TSPEAR: variants seen among roughly 807,000 people sequenced by gnomAD.
TSPEAR encodes thrombospondin-type laminin G domain and EAR repeat-containing protein.
In TSPEAR, 69 loss-of-function variants were observed where a neutral mutation model predicts 71.6. The observed-to-expected ratio is 0.96, with a 90% CI of 0.79 to 1.18. The LOEUF is 1.18. Ranked by LOEUF, TSPEAR falls within the 50% of genes most tolerant of loss-of-function variation. The pLI, the probability that TSPEAR is intolerant of heterozygous loss-of-function variation, is 0.00. For missense variants in TSPEAR, 971 were observed against 894.9 expected (o/e 1.09, Z -1.09); for synonymous variants, 402 against 387.2 (o/e 1.04, Z -0.45).
At chr21:44,658,145 G>T in intron 1 of TSPEAR, 1 of 1,613,758 alleles carries the variant, frequency 6.2e-7, no homozygotes, top group South Asian at 1.1e-5. Flanking sequence ...CTCCGTGTGC[G>T]TGCCCGTGAG....
Position 44,499,791 on chromosome 21 carries a change from T to C in TSPEAR, c.2002A>G (p.Thr668Ala). 6.4e-7 allele frequency: 1 copy of C among 1,567,952 alleles called. No individual in the cohort carries two copies. Among genetic ancestry groups the C allele is most frequent in the Non-Finnish European group, 8.6e-7 (1 of 1,157,910 alleles). Reference protein sequence around the residue: ...EPLSRVLRLRTR With the variant: ...EPLSRVLRLRAR ...GCCGGGCAGCCGCGGCCTCAGCGTG[T>C]CCTCAGCCGCAGGACCCTGGAGAGG... The change falls in exon 12 of 12, where the codon ACA (threonine) becomes GCA (alanine). Residue 668 changes from threonine (T) to alanine (A), a missense_variant. Thr to Ala is a moderately conservative substitution (Grantham distance 58, BLOSUM62 0). Coordinates refer to ENST00000323084, the MANE Select transcript of TSPEAR (RefSeq NM_144991.3).
chr21:44,509,021 A>G (rs1201519790), intron 10 of TSPEAR, 178 bp downstream of exon 10: 1 of 1,461,008 alleles, frequency 6.8e-7, no homozygotes, highest in South Asian at 1.2e-5. Context: ...TCCCCAGGCC[A>G]GGAAAGTCCC....
At chr21:44,702,385 C>CCAGCGCCTACCAATCAGGCTGCA (rs1555951671) in intron 1 of TSPEAR, 1 of 1,077,316 alleles carries the variant, frequency 9.3e-7, no homozygotes, top group Non-Finnish European at 1.3e-6. Context: ...AGCCTGTGAG[C>CCAGCGCCTACCAATCAGGCTGCA]CCAGCTCCTG....
chr21:44,678,076 G>A (rs587726539), intron 1 of TSPEAR: 39 of 680,362 alleles, frequency 5.7e-5, no homozygotes, highest in South Asian at 4.3e-4. Context: ...TAACTGACAG[G>A]CCCGCAGTAT....
At chr21:44,666,968 C>A in intron 1 of TSPEAR, 1 of 1,429,606 alleles carries the variant, frequency 7.0e-7, no homozygotes, top group Non-Finnish European at 9.5e-7. Context: ...TATACCTGGG[C>A]CCAGGCATCC....
chr21:44,521,445 C>A (rs920120080), intron 9 of TSPEAR, among the ~76,000 whole-genome samples: 2 of 152,204 alleles, frequency 1.3e-5, no homozygotes, highest in Non-Finnish European at 2.9e-5. Flanking sequence ...TGCCCCGACC[C>A]GGCCCCCACG....
At chr21:44,512,969 G>C (rs906256232) in intron 9 of TSPEAR, among the ~76,000 whole-genome samples, 2 of 152,170 alleles carry the variant, frequency 1.3e-5, no homozygotes, top group African/African-American at 4.8e-5. Flanking sequence ...ACCCAGCGAG[G>C]GTCTGTGCAC....
At chr21:44,582,911 C>T (rs1293166129) in intron 1 of TSPEAR, among the ~76,000 whole-genome samples, 4 of 152,160 alleles carry the variant, frequency 2.6e-5, no homozygotes, top group Admixed American at 6.5e-5. Flanking sequence ...CAGGCCCCAC[C>T]TCCCGGGTTC....
chr21:44,627,432 G>C (rs782247632), intron 1 of TSPEAR: 2 of 1,613,188 alleles, frequency 1.2e-6, no homozygotes, highest in Admixed American at 1.7e-5. Context: ...GCTGCCAGCC[G>C]GCTTACTGCA....
chr21:44,681,074 A>G (rs1320130554), intron 1 of TSPEAR, among the ~76,000 whole-genome samples: 1 of 152,258 alleles, frequency 6.6e-6, no homozygotes, highest in Non-Finnish European at 1.5e-5. Flanking sequence ...ATCATTACGT[A>G]TCCTCTGTGT....
At chr21:44,577,566 A>G (rs1427515709) in intron 1 of TSPEAR, among the ~76,000 whole-genome samples, 1 of 152,044 alleles carries the variant, frequency 6.6e-6, no homozygotes, top group African/African-American at 2.4e-5. Context: ...GCAAGACTTC[A>G]CTCATTATTG....
At chr21:44,526,974 G>A (rs2052868776) in intron 7 of TSPEAR, among the ~76,000 whole-genome samples, 2 of 152,230 alleles carry the variant, frequency 1.3e-5, no homozygotes, top group African/African-American at 4.8e-5. Context: ...GAAACGATTT[G>A]TGGGTTCTTG....
intron 1 of TSPEAR, among the ~76,000 whole-genome samples, chr21:44,595,128 G>A (rs1252406038): frequency 6.6e-6 from 1 of 152,124 alleles, no homozygotes; most frequent in African/African-American, 2.4e-5. Flanking sequence ...TGGCCAGATG[G>A]TGATTTTTTT....
At chr21:44,580,419 C>G (rs1276691016) in intron 1 of TSPEAR, 2 of 1,612,842 alleles carry the variant, frequency 1.2e-6, no homozygotes, top group Non-Finnish European at 1.7e-6. Flanking sequence ...TCACAGGCCG[C>G]CTGGCAGCAG....
intron 1 of TSPEAR, chr21:44,580,557 C>G (rs782093945): frequency 6.2e-7 from 1 of 1,612,838 alleles, no homozygotes; most frequent in East Asian, 2.2e-5. Context: ...CTGGAGCAGA[C>G]GGACATGGTG....
At position 44,687,721 on chromosome 21, in the gene TSPEAR, G is replaced by A. The variant is rs182535076; in HGVS notation, c.82+23712C>T. Among the ~76,000 whole-genome samples the A allele has an allele frequency of 1.2e-3, 178 of 152,340 alleles. 2 individuals are homozygous for A. The highest frequency in any genetic ancestry group is 3.9e-3 in the African/African-American group (163 of 41,576). ...GGGTCCTCTCCCAGCCAGGAGGGAAGCCAGGACCACCCTCTCCCCTGGGCC... is the reference window on the plus strand; with the variant it reads ...GGGTCCTCTCCCAGCCAGGAGGGAAACCAGGACCACCCTCTCCCCTGGGCC... On this transcript the variant is annotated intron_variant, in intron 1 of 11. Transcript: ENST00000323084. The surrounding 1 kb of genome is among the most constrained non-coding windows in gnomAD (Gnocchi z 4.4).
At chr21:44,557,520 A>C (rs2053551989) in intron 2 of TSPEAR, among the ~76,000 whole-genome samples, 1 of 151,890 alleles carries the variant, frequency 6.6e-6, no homozygotes, top group Admixed American at 6.5e-5. Flanking sequence ...CAGAGGAAGG[A>C]GAGAGGGGGA....
rs117561023 is a variant in TSPEAR, at chr21:44,612,494, G to T, written c.83-44489C>A. On this transcript the variant is annotated intron_variant, in intron 1 of 11. Transcript: ENST00000323084. This position sits in a 1 kb window ranked among gnomAD's most constrained non-coding sequence, Gnocchi z 4.1. Reference sequence around the variant, plus strand: ...CTGCAAGTCCAACTGCTGCAAGCCCGTGTGCTGCGTGTCCATCTGCTCTGG... The same window carrying T: ...CTGCAAGTCCAACTGCTGCAAGCCCTTGTGCTGCGTGTCCATCTGCTCTGG... 8.6e-3 allele frequency: 13,792 copies of T among 1,610,706 alleles called. 83 individuals are homozygous for T. The highest frequency in any genetic ancestry group is 0.011 in the Non-Finnish European group (12,636 of 1,178,434).
chr21:44,508,292 C>T (rs1426547997), intron 10 of TSPEAR: 2 of 175,694 alleles, frequency 1.1e-5, no homozygotes, highest in African/African-American at 2.4e-5. Context: ...GAGACTCTTC[C>T]CCTCGAAGGG....
Sources: allele counts gnomAD v4.1 joint callset (sites outside exome capture counted in the v4.1 genomes callset), GRCh38; gene constraint gnomAD v4.1.1; non-coding constraint Gnocchi (gnomAD v3.1); transcripts MANE v1.5; gene names NCBI Gene and HGNC (gene_info 2026-07-23, HGNC 2026-07-21).